Variants in ANKRD10 observed in about 807,000 individuals in gnomAD.
ANKRD10 encodes ankyrin repeat domain 10.
ANKRD10 carries 14 observed loss-of-function variants against 27.0 expected under a neutral mutation model. That is an observed-to-expected ratio of 0.52 (90% CI 0.34 to 0.81). The LOEUF is 0.81. ANKRD10 is among the 40% of genes least tolerant of loss of function. The pLI, the probability that ANKRD10 is intolerant of heterozygous loss-of-function variation, is 0.01. For synonymous variants in ANKRD10, 250 were observed against 224.5 expected (o/e 1.11, Z -1.01); for missense variants, 493 against 544.0 (o/e 0.91, Z 0.93).
At chr13:110,885,059 G>A (rs1382996845) in intron 4 of ANKRD10, among the ~76,000 whole-genome samples, 2 of 152,244 alleles carry the variant, frequency 1.3e-5, no homozygotes, top group East Asian at 3.9e-4. Flanking sequence ...GTAGTCAGAA[G>A]TCTGATTAGG....
At position 110,914,821 on chromosome 13, in the gene ANKRD10, G is replaced by T; in HGVS notation, c.114C>A (p.Leu38=). Residue 38 remains leucine (L), a synonymous_variant, in exon 1 of 6, where the codon CTC becomes CTA. Coordinates refer to ENST00000267339, the MANE Select transcript of ANKRD10 (RefSeq NM_017664.4). ...RACRDGDLAT[L]CSLLQQTPHA... ...GGGGTGTCTGCTGCAGCAGCGAGCA[G>T]AGCGTGGCCAGGTCCCCGTCGCGGC... is the stretch of plus-strand genomic sequence containing the variant. 1 of 1,588,930 alleles carries T rather than the reference G, an allele frequency of 6.3e-7. No homozygotes were observed. Among genetic ancestry groups the T allele is most frequent in the Non-Finnish European group, 8.6e-7 (1 of 1,168,588 alleles).
intron 1 of ANKRD10, among the ~76,000 whole-genome samples, chr13:110,913,901 C>T (rs969686972): frequency 1.3e-5 from 2 of 152,196 alleles, no homozygotes; most frequent in Non-Finnish European, 2.9e-5. Flanking sequence ...GAAACGGTAG[C>T]TATCCAACCT....
chr13:110,899,292 G>A (rs2065318339), intron 3 of ANKRD10: 1 of 152,234 alleles, frequency 6.6e-6, no homozygotes, highest in African/African-American at 2.4e-5. Flanking sequence ...TAATGAAAGT[G>A]TACACATTAT....
At position 110,893,129 on chromosome 13, in the gene ANKRD10, C is replaced by A; in HGVS notation, c.590G>T (p.Gly197Val). The change falls in exon 4 of 6, where the codon GGT becomes GTT. Residue 197 changes from glycine (G) to valine (V), a missense_variant. Gly to Val is a moderately radical substitution (Grantham distance 109). Coordinates refer to ENST00000267339, the MANE Select transcript of ANKRD10 (RefSeq NM_017664.4). ...ATGATTAGGAAATACATTCTGATGACCCCCATTTAAGATGCCATTGTTATA... is the reference window on the plus strand; with the variant it reads ...ATGATTAGGAAATACATTCTGATGAACCCCATTTAAGATGCCATTGTTATA... Reference protein sequence around the residue: ...HFYNNGILNGGHQNVFPNHIS... With the variant: ...HFYNNGILNGVHQNVFPNHIS... 7 of 1,614,188 alleles carry A rather than the reference C, an allele frequency of 4.3e-6. No homozygotes were observed. The highest frequency in any genetic ancestry group is 1.1e-5 in the South Asian group (1 of 91,086).
chr13:110,912,393 G>C (rs1257850450), intron 1 of ANKRD10, among the ~76,000 whole-genome samples: 1 of 152,174 alleles, frequency 6.6e-6, no homozygotes, highest in Non-Finnish European at 1.5e-5. Context: ...CTTGGACCTG[G>C]GAGTAAAGGC....
At position 110,910,755 on chromosome 13, in the gene ANKRD10, G is replaced by C. The variant is rs2065674018; in HGVS notation, c.226C>G (p.Gln76Glu). 1 of 1,613,590 alleles carries C rather than the reference G, an allele frequency of 6.2e-7. No homozygotes were observed. Among genetic ancestry groups the C allele is most frequent in the Admixed American group, 1.7e-5 (1 of 59,860 alleles). The change falls in exon 2 of 6, where the codon CAG becomes GAG. Residue 76 changes from glutamine (Q) to glutamate (E), a missense_variant. By Grantham distance (29) the Gln-to-Glu change is conservative. Transcript: ENST00000267339. ...AHFGKLECLV[Q>E]LVRAGATLNV... ...AGTGTGGCTCCCGCTCTCACCAACT[G>C]CACTAAGCACTCCAACTTCGAAAAC...
chr13:110,894,097 G>C, intron 3 of ANKRD10: 2 of 1,572,314 alleles, frequency 1.3e-6, no homozygotes, highest in Non-Finnish European at 1.7e-6. Context: ...AGAGTAAGTT[G>C]AACTTGTAAA....
chr13:110,892,852 G>GTA, intron 4 of ANKRD10, 176 bp downstream of exon 4: 3 of 1,324,122 alleles, frequency 2.3e-6, no homozygotes, highest in Non-Finnish European at 2.9e-6. Context: ...CTTTTGTTAA[G>GTA]TCCCATCTTC....
intron 2 of ANKRD10, among the ~76,000 whole-genome samples, chr13:110,907,345 G>A (rs575181393): frequency 6.6e-6 from 1 of 152,208 alleles, no homozygotes; most frequent in Non-Finnish European, 1.5e-5. Context: ...AACCTCACTG[G>A]AAGCTGAACT....
At chr13:110,900,526 A>G (rs1259017668) in intron 3 of ANKRD10, 1 of 1,302,322 alleles carries the variant, frequency 7.7e-7, no homozygotes, top group Non-Finnish European at 1.0e-6. Context: ...ACCGCAACAA[A>G]TACCTCAACA....
chr13:110,910,513 A>G, intron 2 of ANKRD10, 105 bp downstream of exon 2: 2 of 1,395,746 alleles, frequency 1.4e-6, no homozygotes, highest in Non-Finnish European at 2.0e-6. Context: ...TCAGGTAAAG[A>G]TATCAAACTC....
intron 5 of ANKRD10, among the ~76,000 whole-genome samples, chr13:110,882,076 C>T (rs2064830279): frequency 6.6e-6 from 1 of 152,170 alleles, no homozygotes; most frequent in African/African-American, 2.4e-5. Context: ...CTCTTCCAGC[C>T]AACCCCATAG....
At chr13:110,891,414 G>A (rs567407939) in intron 4 of ANKRD10, among the ~76,000 whole-genome samples, 37 of 152,168 alleles carry the variant, frequency 2.4e-4, no homozygotes, top group African/African-American at 8.9e-4. Flanking sequence ...TTCATGTCAT[G>A]CTTATGATTT....
intron 2 of ANKRD10, 82 bp downstream of exon 2, chr13:110,910,536 C>T (rs543023607): frequency 9.0e-5 from 136 of 1,519,178 alleles, no homozygotes; most frequent in Middle Eastern, 3.5e-4. Context: ...ATTAAGGCCT[C>T]GATTTAAAGC....
At chr13:110,905,644 T>C (rs912061800) in intron 3 of ANKRD10, among the ~76,000 whole-genome samples, 1 of 152,242 alleles carries the variant, frequency 6.6e-6, no homozygotes, top group Non-Finnish European at 1.5e-5. Flanking sequence ...TCTGAAAAGA[T>C]ATTTTAATCC....
At chr13:110,883,849 TCAGA>T in intron 4 of ANKRD10, 56 bp from the exon 5 acceptor site, 1 of 1,571,768 alleles carries the variant, frequency 6.4e-7, no homozygotes, top group Non-Finnish European at 8.7e-7. Context: ...AGATAAGTGT[TCAGA>T]CACACAGTTT....
Position 110,892,120 on chromosome 13 carries a change from TAAAAACA to T in ANKRD10, c.691+901_691+907del, listed in dbSNP as rs553867022. Among the ~76,000 whole-genome samples the T allele has an allele frequency of 5.1e-3, 760 of 148,656 alleles. 3 individuals are homozygous for T. The highest frequency in any genetic ancestry group is 7.4e-3 in the Non-Finnish European group (500 of 67,130). The stretch of plus-strand genomic sequence containing the variant: ...CTTATTTGCAAACTCAAACCTACCT[TAAAAACA>T]AAAAACAAAAAACCCAAAAAACGGC... On this transcript the variant is annotated intron_variant, in intron 4 of 5. Transcript: ENST00000267339.
chr13:110,897,879 T>C (rs2065271789), intron 3 of ANKRD10, among the ~76,000 whole-genome samples: 1 of 152,254 alleles, frequency 6.6e-6, no homozygotes, highest in Non-Finnish European at 1.5e-5. Flanking sequence ...TTTTGGTAAC[T>C]GTCATTCTAA....
intron 3 of ANKRD10, among the ~76,000 whole-genome samples, chr13:110,899,652 G>T (rs1468037223): frequency 6.6e-6 from 1 of 152,108 alleles, no homozygotes; most frequent in Non-Finnish European, 1.5e-5. Context: ...AAACTACGAT[G>T]ACTGTGCTTT....
Sources: allele counts gnomAD v4.1 joint callset (sites outside exome capture counted in the v4.1 genomes callset), GRCh38; gene constraint gnomAD v4.1.1; transcripts MANE v1.5; gene names NCBI Gene and HGNC (gene_info 2026-07-23, HGNC 2026-07-21).